FGGY: variants seen among roughly 807,000 people sequenced by gnomAD.
The protein encoded by FGGY is FGGY carbohydrate kinase domain containing.
In FGGY, 72 loss-of-function variants were observed where a neutral mutation model predicts 71.3. The observed-to-expected ratio is 1.01, with a 90% CI of 0.84 to 1.23. FGGY has a LOEUF of 1.23. Ranked by LOEUF, FGGY falls within the 50% of genes most tolerant of loss-of-function variation. The probability of loss-of-function intolerance (pLI) is 0.00; values close to 1 mark genes in which losing one functional copy is unlikely to be tolerated. For synonymous variants in FGGY, 251 were observed against 250.3 expected (o/e 1.00, Z -0.02); for missense variants, 668 against 682.3 (o/e 0.98, Z 0.23).
chr1:59,349,096 G>A (rs1557633955), intron 4 of FGGY, among the ~76,000 whole-genome samples: 1 of 152,172 alleles, frequency 6.6e-6, no homozygotes, highest in African/African-American at 2.4e-5. Flanking sequence ...CTAATGGTCT[G>A]TGCCTGGTAG....
intron 9 of FGGY, among the ~76,000 whole-genome samples, chr1:59,622,072 C>T (rs946285807): frequency 6.6e-6 from 1 of 151,856 alleles, no homozygotes; most frequent in Non-Finnish European, 1.5e-5. Flanking sequence ...CACGAGGACA[C>T]TTTTGTTGGT....
intron 7 of FGGY, among the ~76,000 whole-genome samples, chr1:59,517,836 C>A: frequency 6.6e-6 from 1 of 152,128 alleles, no homozygotes; most frequent in East Asian, 1.9e-4. Flanking sequence ...CCATGAGGAA[C>A]GGATATTACA....
At chr1:59,306,197 T>C (rs1272626314) in intron 1 of FGGY, among the ~76,000 whole-genome samples, 1 of 152,170 alleles carries the variant, frequency 6.6e-6, no homozygotes, top group African/African-American at 2.4e-5. Flanking sequence ...TGGCTGGAAT[T>C]GGAAGCATTC....
intron 2 of FGGY, among the ~76,000 whole-genome samples, chr1:59,339,423 A>G (rs2153197467): frequency 6.6e-6 from 1 of 151,744 alleles, no homozygotes; most frequent in Middle Eastern, 3.4e-3. Context: ...TTATGAGGTG[A>G]CTTTTTATTC....
chr1:59,374,997 A>G (rs920664388), intron 4 of FGGY, among the ~76,000 whole-genome samples: 1 of 151,538 alleles, frequency 6.6e-6, no homozygotes, highest in African/African-American at 2.4e-5. Context: ...GCGCACCAGC[A>G]TGTCACATGT....
chr1:59,321,834 T>G, intron 2 of FGGY, 84 bp downstream of exon 2: 3 of 1,408,616 alleles, frequency 2.1e-6, no homozygotes, highest in South Asian at 1.3e-5. Context: ...TAAACAATGT[T>G]GGGGTAACTT....
At chr1:59,584,791 C>A (rs2096255215) in intron 8 of FGGY, among the ~76,000 whole-genome samples, 1 of 150,102 alleles carries the variant, frequency 6.7e-6, no homozygotes, top group Admixed American at 6.6e-5. Context: ...AGCCCAAAAT[C>A]TCCTTAAGCT....
intron 1 of FGGY, 41 bp from the exon 2 acceptor site, chr1:59,321,495 C>G (rs1201775627): frequency 6.4e-7 from 1 of 1,556,470 alleles, no homozygotes; most frequent in African/African-American, 1.4e-5. Context: ...CTTTGCAGAT[C>G]CACTTGGTCT....
At chr1:59,538,990 TATA>T (rs2095393149) in intron 7 of FGGY, among the ~76,000 whole-genome samples, 1 of 152,002 alleles carries the variant, frequency 6.6e-6, no homozygotes, top group Non-Finnish European at 1.5e-5. Context: ...AAACTTAAAG[TATA>T]ATAATAATAA....
At chr1:59,483,906 G>GT (rs2093581498) in intron 6 of FGGY, among the ~76,000 whole-genome samples, 1 of 152,014 alleles carries the variant, frequency 6.6e-6, no homozygotes, top group East Asian at 1.9e-4. Flanking sequence ...GATGAAGGAA[G>GT]CAGGGGTCTT....
At position 59,638,321 on chromosome 1, in the gene FGGY, G is replaced by T. The variant is rs1175832392; in HGVS notation, c.1167G>T (p.Trp389Cys). The T allele has an allele frequency of 9.9e-6, 16 of 1,614,190 alleles. No homozygotes were observed. Among genetic ancestry groups the T allele is most frequent in the African/African-American group, 2.7e-5 (2 of 75,020 alleles). ...TCCTTACTGTTGATTTACATGTTTG[G>T]CCAGATTTCCATGGCAACCGGTCTC... is the stretch of plus-strand genomic sequence containing the variant. ...VGFLTVDLHV[W>C]PDFHGNRSPL... Residue 389 changes from tryptophan to cysteine, a missense_variant, in exon 11 of 16, where the codon TGG (tryptophan) becomes TGT (cysteine). Physicochemically the swap from Trp to Cys is radical, Grantham distance 215. Around this residue, in one of 2 missense-constraint regions of FGGY, gnomAD observed 661 missense variants for 661.6 expected, o/e 1.00. Transcript: ENST00000303721.
chr1:59,509,586 C>T (rs2094471837), intron 6 of FGGY, among the ~76,000 whole-genome samples: 2 of 152,156 alleles, frequency 1.3e-5, no homozygotes. Flanking sequence ...GCCTATGTTC[C>T]AATTTACCTA....
At chr1:59,592,417 C>A (rs535675763) in intron 8 of FGGY, among the ~76,000 whole-genome samples, 183 of 152,256 alleles carry the variant, frequency 1.2e-3, no homozygotes, top group African/African-American at 4.3e-3. Flanking sequence ...CCATTTGACC[C>A]AGCCATCCCA....
chr1:59,740,924 A>G (rs2098142001), intron 14 of FGGY, among the ~76,000 whole-genome samples: 1 of 152,274 alleles, frequency 6.6e-6, no homozygotes, highest in Non-Finnish European at 1.5e-5. Context: ...AACATTTTGC[A>G]TGAATAAAAG....
intron 6 of FGGY, among the ~76,000 whole-genome samples, chr1:59,485,056 GA>G (rs768178953): frequency 3.9e-5 from 6 of 152,164 alleles, no homozygotes; most frequent in Non-Finnish European, 7.4e-5. Flanking sequence ...TAGATCTTGA[GA>G]AAATGTGCTT....
intron 14 of FGGY, among the ~76,000 whole-genome samples, chr1:59,695,088 C>T (rs1451946945): frequency 1.3e-5 from 2 of 152,196 alleles, no homozygotes; most frequent in East Asian, 1.9e-4. Context: ...ACTAATCCTT[C>T]CATCAATTCA....
chr1:59,428,112 A>G (rs1164339681), intron 5 of FGGY, among the ~76,000 whole-genome samples: 1 of 152,190 alleles, frequency 6.6e-6, no homozygotes, highest in African/African-American at 2.4e-5. Context: ...ATGAGACTTG[A>G]TGGTCATTTC....
At chr1:59,446,814 A>T (rs2071378693) in intron 5 of FGGY, among the ~76,000 whole-genome samples, 1 of 152,238 alleles carries the variant, frequency 6.6e-6, no homozygotes, top group Non-Finnish European at 1.5e-5. Context: ...AGCAGAGAAC[A>T]AAAGGTTTCC....
At chr1:59,470,951 T>G (rs558283229) in intron 6 of FGGY, among the ~76,000 whole-genome samples, 2 of 152,368 alleles carry the variant, frequency 1.3e-5, no homozygotes, top group East Asian at 1.9e-4. Context: ...CCAATTTTAC[T>G]AATTTATATT....
Sources: allele counts gnomAD v4.1 joint callset (sites outside exome capture counted in the v4.1 genomes callset), GRCh38; gene constraint gnomAD v4.1.1; regional missense constraint gnomAD v4.1.1; transcripts MANE v1.5; gene names NCBI Gene and HGNC (gene_info 2026-07-23, HGNC 2026-07-21).